PHGDH: variants seen among roughly 807,000 people sequenced by gnomAD.
The protein encoded by PHGDH is phosphoglycerate dehydrogenase.
A neutral mutation model predicts 52.6 loss-of-function variants in PHGDH; 50 were observed. The ratio of observed to expected loss-of-function variants is 0.95; its 90% CI spans 0.76 to 1.20. The LOEUF (loss-of-function observed/expected upper bound fraction) is 1.20. PHGDH is among the 50% of genes most tolerant of loss of function. PHGDH has a pLI of 0.00. For missense variants in PHGDH, 630 were observed against 684.6 expected (o/e 0.92, Z 0.89); for synonymous variants, 271 against 280.5 (o/e 0.97, Z 0.34).
chr1:119,740,570 G>A (rs768186704), intron 9 of PHGDH, 52 bp downstream of exon 9: 1 of 1,462,428 alleles, frequency 6.8e-7, no homozygotes, highest in African/African-American at 1.4e-5. Flanking sequence ...AGGGAGTGTG[G>A]GATCTGCCCT....
chr1:119,723,860 G>C (rs587758661), intron 3 of PHGDH, among the ~76,000 whole-genome samples: 2 of 152,050 alleles, frequency 1.3e-5, no homozygotes, highest in African/African-American at 4.8e-5. Flanking sequence ...AAGCTCTCTG[G>C]CTTTTCCAGC....
Position 119,742,740 on chromosome 1 carries a change from G to A in PHGDH, c.1210-67G>A, listed in dbSNP as rs937842231. 7 of 957,220 alleles carry A rather than the reference G, an allele frequency of 7.3e-6. No individual in the cohort carries two copies. In the African/African-American group the frequency reaches 1.1e-4, roughly 15 times the overall value. The allele number at this position is 957,220 out of a possible 1,614,324, so 59.3% of individuals were successfully genotyped here. A position where few individuals can be genotyped will look rare whatever the true frequency, so the allele number is the denominator to read the frequency against. On this transcript the variant is annotated intron_variant, in intron 10 of 11. Coordinates refer to ENST00000641023, the MANE Select transcript of PHGDH (RefSeq NM_006623.4). ...CTACATCCTACCAATGGGTGATTTG[G>A]CCAAGAGAGGAGGGTGGACGTGGTG...
At chr1:119,734,873 G>A (rs587661578) in intron 6 of PHGDH, 107 bp downstream of exon 6, 1 of 1,258,038 alleles carries the variant, frequency 7.9e-7, no homozygotes, top group African/African-American at 1.5e-5. Context: ...GCTGTGGGGA[G>A]AGGTCCACCT....
At chr1:119,726,631 G>A (rs1377216358) in intron 3 of PHGDH, 1 of 607,528 alleles carries the variant, frequency 1.6e-6, no homozygotes, top group African/African-American at 1.8e-5. Flanking sequence ...TGCCTGGCTG[G>A]TCACAGAAAT....
At position 119,723,448 on chromosome 1, in the gene PHGDH, C is replaced by T; in HGVS notation, c.356+7C>T. On this transcript the variant is annotated splice_region_variant and intron_variant, in intron 3 of 11. Transcript: ENST00000641023. Reference sequence around the variant, plus strand: ...TGATCATGTGCCTGGCCAGGTAAGTCCCTGACTTCTCAGCAAAGCTAGTCT... The same window carrying T: ...TGATCATGTGCCTGGCCAGGTAAGTTCCTGACTTCTCAGCAAAGCTAGTCT... 2 of 1,608,342 alleles carry T rather than the reference C, an allele frequency of 1.2e-6. No individual in the cohort carries two copies.
In PHGDH at chr1:119,733,517, TAG is replaced by T. The variant is rs372106442; in HGVS notation, c.511-1116_511-1115del. Among the ~76,000 whole-genome samples the T allele has an allele frequency of 4.7e-3, 332 of 70,132 alleles. 2 individuals carry two copies. Among genetic ancestry groups the T allele is most frequent in the African/African-American group, 0.023 (294 of 12,550 alleles). The allele number at this position is 70,132 out of a possible 152,430, so 46.0% of individuals were successfully genotyped here. A position where few individuals can be genotyped will look rare whatever the true frequency, so the allele number is the denominator to read the frequency against. ...CTTGGCTAGTTTTTTAAATTTTTTG[TAG>T]GGGGGGGGGTCTGACTATGTTTCTC... On this transcript the variant is annotated intron_variant, in intron 5 of 11. Coordinates refer to ENST00000641023, the MANE Select transcript of PHGDH (RefSeq NM_006623.4).
At chr1:119,726,177 AGAGT>A (rs1346243814) in intron 3 of PHGDH, among the ~76,000 whole-genome samples, 1 of 112,302 alleles carries the variant, frequency 8.9e-6, no homozygotes. Context: ...CAGGCTGTGA[AGAGT>A]GTGTGTGTGT....
intron 1 of PHGDH, chr1:119,715,946 CTGTGGT>C (rs1650914343): frequency 6.6e-6 from 1 of 152,486 alleles, no homozygotes; most frequent in Admixed American, 6.5e-5. Flanking sequence ...TTGGTTAGGG[CTGTGGT>C]TTCCATAAGT....
At chr1:119,732,143 T>A (rs1651721253) in intron 5 of PHGDH, among the ~76,000 whole-genome samples, 2 of 152,132 alleles carry the variant, frequency 1.3e-5, no homozygotes, top group African/African-American at 4.8e-5. Context: ...ACGGTGAGGG[T>A]TCTTCTTCAG....
At chr1:119,736,987 C>T (rs140052421) in intron 7 of PHGDH, 127 bp from the exon 8 acceptor site, 6 of 856,780 alleles carry the variant, frequency 7.0e-6, no homozygotes, top group Non-Finnish European at 1.2e-5. Flanking sequence ...ACCACCCTGA[C>T]AAAATAGAAG....
chr1:119,742,075 G>A (rs1267180964), intron 10 of PHGDH, 178 bp downstream of exon 10: 7 of 643,518 alleles, frequency 1.1e-5, no homozygotes, highest in Non-Finnish European at 1.7e-5. Flanking sequence ...GCCTGGCCCC[G>A]AGTGTTGCTA....
intron 5 of PHGDH, among the ~76,000 whole-genome samples, chr1:119,728,756 C>G (rs768457146): frequency 2.4e-4 from 36 of 152,204 alleles, no homozygotes; most frequent in Non-Finnish European, 5.1e-4. Flanking sequence ...TCTCTGTTCA[C>G]TTTCTGTTTT....
chr1:119,731,023 C>G (rs1479747244), intron 5 of PHGDH, among the ~76,000 whole-genome samples: 2 of 152,098 alleles, frequency 1.3e-5, no homozygotes, highest in Non-Finnish European at 2.9e-5. Flanking sequence ...ATTTCTGCAC[C>G]CTACTTGTGG....
chr1:119,723,675 A>G (rs587728325), intron 3 of PHGDH, among the ~76,000 whole-genome samples: 2 of 151,990 alleles, frequency 1.3e-5, no homozygotes, highest in African/African-American at 2.4e-5. Context: ...CTCATGTTCT[A>G]TTCTCCATGC....
At chr1:119,742,742 C>A in intron 10 of PHGDH, 65 bp from the exon 11 acceptor site, 1 of 997,370 alleles carries the variant, frequency 1.0e-6, no homozygotes, top group South Asian at 1.4e-5. Context: ...GTGATTTGGC[C>A]AAGAGAGGAG....
In PHGDH at chr1:119,741,786, T is replaced by C. The variant is rs1454174293; in HGVS notation, c.1098T>C (p.Ala366=). The C allele has an allele frequency of 1.2e-6, 2 of 1,613,258 alleles. No individual in the cohort carries two copies. The highest frequency in any genetic ancestry group is 8.5e-7 in the Non-Finnish European group (1 of 1,179,220). Residue 366 remains alanine, a synonymous_variant, in exon 10 of 12, where the codon GCT becomes GCC. Transcript: ENST00000641023. The part of the protein sequence containing the change: ...VITQGTSLKN[A]GNCLSPAVIV... ...CCCCAGGAACATCCCTGAAGAATGC[T>C]GGGAACTGCCTAAGCCCCGCAGTCA... is the stretch of plus-strand genomic sequence containing the variant.
chr1:119,728,193 C>T (rs1430367562), intron 5 of PHGDH, among the ~76,000 whole-genome samples: 1 of 152,108 alleles, frequency 6.6e-6, no homozygotes, highest in East Asian at 1.9e-4. Flanking sequence ...AATACCGAGG[C>T]TTATTGTGTT....
At chr1:119,722,898 CAAA>C (rs59674663) in intron 2 of PHGDH, among the ~76,000 whole-genome samples, 7 of 88,690 alleles carry the variant, frequency 7.9e-5, no homozygotes, top group Admixed American at 1.3e-4. Flanking sequence ...GAGGCCTTGT[CAAA>C]AAAAAAAAAA....
intron 5 of PHGDH, among the ~76,000 whole-genome samples, chr1:119,728,230 A>G (rs1651534231): frequency 6.6e-6 from 1 of 152,196 alleles, no homozygotes; most frequent in African/African-American, 2.4e-5. Flanking sequence ...AGGTTGCTGC[A>G]CTTCCTTGAT....
Sources: gnomAD v4.1 joint callset for allele counts (sites outside exome capture counted in the v4.1 genomes callset) on GRCh38, gnomAD v4.1.1 for gene constraint, MANE v1.5 for transcripts, NCBI Gene and HGNC (gene_info 2026-07-23, HGNC 2026-07-21) for gene names.